Variants in COL17A1 observed in about 807,000 individuals in gnomAD.
COL17A1 encodes collagen type XVII alpha 1 chain, also known as collagen alpha-1(XVII) chain.
Under a neutral mutation model 218.4 loss-of-function variants are expected in COL17A1, and 181 were observed. That is an observed-to-expected ratio of 0.83 (90% CI 0.73 to 0.94). The LOEUF (loss-of-function observed/expected upper bound fraction) is 0.94, where lower values mean the gene tolerates loss of function less well. Among genes scored for constraint, COL17A1 ranks in the 40% least tolerant of loss-of-function variants. The pLI, the probability that COL17A1 is intolerant of heterozygous loss-of-function variation, is 0.00. For missense variants in COL17A1, 1,924 were observed against 1,945.9 expected (o/e 0.99, Z 0.21); for synonymous variants, 721 against 731.0 (o/e 0.99, Z 0.22).
chr10:104,075,925 A>C (rs1001854497), intron 5 of COL17A1, among the ~76,000 whole-genome samples: 1 of 152,246 alleles, frequency 6.6e-6, no homozygotes, highest in South Asian at 2.1e-4. Flanking sequence ...TTAAAGTGAT[A>C]ATCTCCATCT....
chr10:104,068,531 C>A (rs1371046884), intron 9 of COL17A1, among the ~76,000 whole-genome samples: 1 of 152,186 alleles, frequency 6.6e-6, no homozygotes, highest in African/African-American at 2.4e-5. Flanking sequence ...TTAACCAGGC[C>A]CTCAAGCTTC....
At chr10:104,042,490 A>T (rs1427727398) in intron 35 of COL17A1, 35 bp from the exon 36 acceptor site, 1 of 1,611,330 alleles carries the variant, frequency 6.2e-7, no homozygotes, top group Admixed American at 1.7e-5. Flanking sequence ...AGGCTAAATC[A>T]TGCATGTAGG....
In COL17A1 at chr10:104,036,578, G is replaced by A. The variant is rs1164755512; in HGVS notation, c.3332C>T (p.Pro1111Leu). Reference protein sequence around the residue: ...RQYLMGPRGPPGPPGASGDGS... With the variant: ...RQYLMGPRGPLGPPGASGDGS... ...ATCTCCACTGGCTCCTGGTGGCCCT[G>A]GCGGACCCCGAGGGCCCATCAAGTA... The change falls in exon 48 of 56, where the codon CCA becomes CTA. Residue 1111 changes from proline to leucine, a missense_variant. By Grantham distance (98) the Pro-to-Leu change is moderately conservative. Transcript: ENST00000648076. 1 of 1,613,976 alleles carries A rather than the reference G, an allele frequency of 6.2e-7. No homozygotes were observed. Among genetic ancestry groups the A allele is most frequent in the East Asian group, 2.2e-5 (1 of 44,880 alleles).
chr10:104,074,332 C>T, intron 5 of COL17A1, 101 bp from the exon 6 acceptor site: 1 of 1,531,894 alleles, frequency 6.5e-7, no homozygotes, highest in East Asian at 2.3e-5. Context: ...ACCTCCACAG[C>T]CCTCAGTGTT....
At chr10:104,050,322 C>T (rs930019526) in intron 27 of COL17A1, among the ~76,000 whole-genome samples, 198 bp from the exon 28 acceptor site, 1 of 152,178 alleles carries the variant, frequency 6.6e-6, no homozygotes, top group East Asian at 1.9e-4. Context: ...TCCCCCCCTA[C>T]AAACTGACTC....
intron 41 of COL17A1, 45 bp downstream of exon 41, chr10:104,039,928 C>A: frequency 6.2e-7 from 1 of 1,613,672 alleles, no homozygotes; most frequent in Non-Finnish European, 8.5e-7. Context: ...CTTTTGCCAT[C>A]CCCACCCCTA....
chr10:104,053,275 T>G (rs1410831698), intron 22 of COL17A1, 140 bp from the exon 23 acceptor site: 1 of 932,772 alleles, frequency 1.1e-6, no homozygotes, highest in East Asian at 2.6e-5. Flanking sequence ...CCCCATAGCC[T>G]TGGCTCAACC....
intron 9 of COL17A1, among the ~76,000 whole-genome samples, chr10:104,066,630 A>C (rs1178552434): frequency 6.6e-6 from 1 of 152,246 alleles, no homozygotes; most frequent in African/African-American, 2.4e-5. Flanking sequence ...CTGGAATCCC[A>C]TAACACGCTT....
intron 16 of COL17A1, among the ~76,000 whole-genome samples, chr10:104,057,897 G>A (rs373818967): frequency 6.6e-6 from 1 of 152,212 alleles, no homozygotes; most frequent in East Asian, 1.9e-4. Flanking sequence ...TTAATTAGGG[G>A]CAGCTGGGGG....
intron 15 of COL17A1, 98 bp downstream of exon 15, chr10:104,059,540 C>A: frequency 9.1e-7 from 1 of 1,101,036 alleles, no homozygotes; most frequent in Non-Finnish European, 1.4e-6. Context: ...TGCTGCTGGC[C>A]CGTGGACCAC....
chr10:104,033,113 G>C, intron 53 of COL17A1, 125 bp downstream of exon 53: 1 of 1,517,454 alleles, frequency 6.6e-7, no homozygotes, highest in Non-Finnish European at 9.0e-7. Context: ...TATAGAATTT[G>C]TCTAATTTTG....
At position 104,034,653 on chromosome 10, in the gene COL17A1, C is replaced by T. The variant is rs1344674943; in HGVS notation, c.3734G>A (p.Ser1245Asn). 1 of 1,610,302 alleles carries T rather than the reference C, an allele frequency of 6.2e-7. No homozygotes were observed. Among genetic ancestry groups the T allele is most frequent in the East Asian group, 2.2e-5 (1 of 44,754 alleles). Residue 1245 changes from serine to asparagine, a missense_variant, in exon 51 of 56, where the codon AGC (serine) becomes AAC (asparagine). Transcript: ENST00000648076. Reference sequence around the variant, plus strand: ...GTAGCTGATCAGCTCGCTCCGGAAGCTGTCGCTGTTTTCAGCTGCATAGGT... The same window carrying T: ...GTAGCTGATCAGCTCGCTCCGGAAGTTGTCGCTGTTTTCAGCTGCATAGGT... ...LATYAAENSDSFRSELISYLT... is the reference protein window; with the variant it reads ...LATYAAENSDNFRSELISYLT...
chr10:104,032,747 C>G lies in COL17A1; in HGVS notation c.4365G>C (p.Arg1455Ser), dbSNP rs1202726928. The change falls in exon 55 of 56, where the codon AGG becomes AGC. Residue 1455 changes from arginine to serine, a missense_variant. Coordinates refer to ENST00000648076, the MANE Select transcript of COL17A1 (RefSeq NM_000494.4). The stretch of plus-strand genomic sequence containing the variant: ...GATGACCTGGTGGCCCAGCAGGGCC[C>G]CTGTCACCTGGAAGGAAAAATGGGG... ...EMGTPGPKGD[R>S]GPAGPPGHPG... The G allele has an allele frequency of 6.2e-7, 1 of 1,614,066 alleles. No individual in the cohort carries two copies. The highest frequency in any genetic ancestry group is 2.2e-5 in the East Asian group (1 of 44,886).
At position 104,050,098 on chromosome 10, in the gene COL17A1, C is replaced by T. The variant is rs1403688164; in HGVS notation, c.2155G>A (p.Gly719Ser). 5 of 1,613,992 alleles carry T rather than the reference C, an allele frequency of 3.1e-6. No individual in the cohort carries two copies. In the African/African-American group the frequency reaches 4.0e-5, roughly 13 times the overall value. Reference protein sequence around the residue: ...KGDQGEKGPRGLTGEPGMRGL... With the variant: ...KGDQGEKGPRSLTGEPGMRGL... ...CCCATGACAGACTGACCTGTGAGGC[C>T]TCGAGGTCCTTTCTCACCCTGGTCA... The change falls in exon 28 of 56, where the codon GGC becomes AGC. Residue 719 changes from glycine (G) to serine (S), a missense_variant. By Grantham distance (56) the Gly-to-Ser change is moderately conservative. Transcript: ENST00000648076.
intron 48 of COL17A1, among the ~76,000 whole-genome samples, chr10:104,036,077 AGT>A (rs371975121): frequency 4.5e-5 from 2 of 44,738 alleles, no homozygotes; most frequent in Non-Finnish European, 8.4e-5. Context: ...TGTGTATGGG[AGT>A]GTGTATGGGA....
At chr10:104,043,904 A>T (rs768934210) in intron 33 of COL17A1, 44 bp from the exon 34 acceptor site, 25 of 1,609,976 alleles carry the variant, frequency 1.6e-5, no homozygotes, top group Non-Finnish European at 2.0e-5. Flanking sequence ...TCTGAGGATC[A>T]ATTAGTGGCT....
chr10:104,040,721 A>G (rs543833847), intron 39 of COL17A1, among the ~76,000 whole-genome samples: 3 of 152,234 alleles, frequency 2.0e-5, no homozygotes, highest in Non-Finnish European at 2.9e-5. Flanking sequence ...TATTTCCACA[A>G]GTTTCTATGT....
intron 18 of COL17A1, 109 bp downstream of exon 18, chr10:104,055,673 C>T: frequency 6.8e-7 from 1 of 1,460,806 alleles, no homozygotes. Flanking sequence ...AGGAGAGAGG[C>T]CGAGAGTGGG....
chr10:104,055,229 G>A (rs1397684905), intron 19 of COL17A1, 143 bp downstream of exon 19: 3 of 1,490,858 alleles, frequency 2.0e-6, no homozygotes, highest in Non-Finnish European at 2.8e-6. Context: ...AAAACCAACA[G>A]ATACCTCCCA....
Sources: gnomAD v4.1 joint callset for allele counts (sites outside exome capture counted in the v4.1 genomes callset) on GRCh38, gnomAD v4.1.1 for gene constraint, MANE v1.5 for transcripts, NCBI Gene and HGNC (gene_info 2026-07-23, HGNC 2026-07-21) for gene names.